Variants in ZNF404 observed in about 807,000 individuals in gnomAD.
The protein encoded by ZNF404 is zinc finger protein 404.
Under a neutral mutation model 7.3 loss-of-function variants are expected in ZNF404, and 7 were observed. That is an observed-to-expected ratio of 0.95 (90% CI 0.54 to 1.79). The LOEUF (loss-of-function observed/expected upper bound fraction) is 1.79. Among genes scored for constraint, ZNF404 ranks in the 40% most tolerant of loss-of-function variants. ZNF404 has a pLI of 0.00. For synonymous variants in ZNF404, 191 were observed against 209.9 expected, an observed-to-expected ratio of 0.91 and a Z score of 0.78; for missense variants, 560 against 661.5, an observed-to-expected ratio of 0.85 and a Z score of 1.68.
chr19:43,873,681 C>T lies in ZNF404; in HGVS notation c.533G>A (p.Arg178Gln), dbSNP rs775530830. The change falls in exon 3 of 3, where the codon CGA becomes CAA. Residue 178 changes from arginine (R) to glutamine (Q), a missense_variant. Arg to Gln is a conservative substitution (Grantham distance 43). Coordinates refer to ENST00000587539, the MANE Select transcript of ZNF404 (RefSeq NM_001033719.3). The stretch of plus-strand genomic sequence containing the variant: ...GGGTTTCAAATCAGTGTGGATTTTT[C>T]GATGTCTAATAAAATGCTGGAAAAC... The part of the protein sequence containing the change: ...FVVFQHFIRH[R>Q]KIHTDLKPYE... 63 of 1,612,996 alleles carry T rather than the reference C, an allele frequency of 3.9e-5. No individual in the cohort carries two copies. Among genetic ancestry groups the T allele is most frequent in the East Asian group, 1.3e-4 (6 of 44,874 alleles).
At chr19:43,879,905 A>T in intron 2 of ZNF404, 105 bp downstream of exon 2, 1 of 1,417,070 alleles carries the variant, frequency 7.1e-7, no homozygotes, top group South Asian at 1.2e-5. Context: ...GAGAATATGG[A>T]GCAGAAATGT....
chr19:43,879,303 C>T (rs1255496767), intron 2 of ZNF404, among the ~76,000 whole-genome samples: 1 of 151,948 alleles, frequency 6.6e-6, no homozygotes, highest in Non-Finnish European at 1.5e-5. Context: ...GAATACAGGT[C>T]AACAGGAAAC....
At chr19:43,879,685 T>C (rs1971879860) in intron 2 of ZNF404, among the ~76,000 whole-genome samples, 1 of 152,208 alleles carries the variant, frequency 6.6e-6, no homozygotes, top group South Asian at 2.1e-4. Context: ...TGAACACACA[T>C]ATAATTTAAA....
intron 1 of ZNF404, among the ~76,000 whole-genome samples, chr19:43,880,531 C>G (rs1052187658): frequency 5.9e-5 from 9 of 152,182 alleles, no homozygotes; most frequent in African/African-American, 2.2e-4. Context: ...TAACTACCCC[C>G]TCCCCCAATT....
intron 2 of ZNF404, among the ~76,000 whole-genome samples, chr19:43,878,786 A>G (rs1379687892): frequency 6.6e-6 from 1 of 152,234 alleles, no homozygotes; most frequent in Non-Finnish European, 1.5e-5. Flanking sequence ...AGGAGTTAAA[A>G]GAACAGCGTT....
intron 2 of ZNF404, among the ~76,000 whole-genome samples, chr19:43,876,833 G>C (rs1296835734): frequency 2.6e-5 from 4 of 152,142 alleles, no homozygotes; most frequent in Admixed American, 2.6e-4. Context: ...GATAATCCCA[G>C]TTTAATCATA....
chr19:43,881,832 CTG>C (rs1181361309), intron 1 of ZNF404: 2 of 152,228 alleles, frequency 1.3e-5, no homozygotes, highest in Non-Finnish European at 2.9e-5. Context: ...TAGCGCATGC[CTG>C]TAATCCCAGC....
chr19:43,880,820 T>C (rs1422312615), intron 1 of ZNF404, among the ~76,000 whole-genome samples: 2 of 152,012 alleles, frequency 1.3e-5, no homozygotes, highest in Non-Finnish European at 2.9e-5. Context: ...CAAACCAATA[T>C]CCATCATGGA....
At chr19:43,882,251 G>A (rs1435643775) in intron 1 of ZNF404, among the ~76,000 whole-genome samples, 1 of 152,166 alleles carries the variant, frequency 6.6e-6, no homozygotes, top group African/African-American at 2.4e-5. Context: ...CAATTCAGTG[G>A]ATAAAGGACC....
chr19:43,877,227 TAAC>T, intron 2 of ZNF404, among the ~76,000 whole-genome samples: 1 of 152,002 alleles, frequency 6.6e-6, no homozygotes, highest in Non-Finnish European at 1.5e-5. Flanking sequence ...AGTAAAACAA[TAAC>T]AACAAATAGA....
At chr19:43,883,927 T>G in intron 1 of ZNF404, 29 bp downstream of exon 1, 1 of 1,597,524 alleles carries the variant, frequency 6.3e-7, no homozygotes, top group African/African-American at 1.3e-5. Context: ...TCACAATAAG[T>G]CAGAAAAGCA....
At chr19:43,881,707 A>T (rs1251524617) in intron 1 of ZNF404, 1 of 152,334 alleles carries the variant, frequency 6.6e-6, no homozygotes, top group East Asian at 1.9e-4. Flanking sequence ...CTGTAATCCC[A>T]GCACTTTCGG....
chr19:43,875,208 T>C lies in ZNF404; in HGVS notation c.137-1131A>G, dbSNP rs1421190609. ...GCCTCTACCACTGGTGTTCATTCTT[T>C]CCTTTGCATAGCCATGCTTTTCTGT... On this transcript the variant is annotated intron_variant, in intron 2 of 2. Coordinates refer to ENST00000587539, the MANE Select transcript of ZNF404 (RefSeq NM_001033719.3). Among the ~76,000 whole-genome samples the C allele has an allele frequency of 2.0e-5, 3 of 152,220 alleles. No homozygotes were observed. The South Asian group carries it at 6.2e-4, about 31-fold the overall frequency.
Position 43,873,440 on chromosome 19 carries a change from C to T in ZNF404, c.774G>A (p.Met258Ile), listed in dbSNP as rs1568435984. Residue 258 changes from methionine to isoleucine, a missense_variant, in exon 3 of 3, where the codon ATG (methionine) becomes ATA (isoleucine). By Grantham distance (10) the Met-to-Ile change is conservative. Transcript: ENST00000587539. The part of the protein sequence containing the change: ...CGETFRLYRH[M>I]CLHQKIHHGV... Reference sequence around the variant, plus strand: ...CATGATGAATTTTCTGATGCAGACACATATGTCGATATAATCTAAACGTTT... The same window carrying T: ...CATGATGAATTTTCTGATGCAGACATATATGTCGATATAATCTAAACGTTT... The T allele has an allele frequency of 1.2e-6, 2 of 1,613,538 alleles. No homozygotes were observed. The highest frequency in any genetic ancestry group is 1.7e-5 in the Admixed American group (1 of 59,884).
At chr19:43,875,308 C>T (rs1459630510) in intron 2 of ZNF404, among the ~76,000 whole-genome samples, 1 of 151,586 alleles carries the variant, frequency 6.6e-6, no homozygotes, top group African/African-American at 2.4e-5. Context: ...TTTTTTAAAT[C>T]TACAAATAAT....
rs372380430 is a variant in ZNF404 at position 43,872,698 on chromosome 19, G to A, written c.1516C>T (p.Arg506Cys). The A allele has an allele frequency of 2.0e-5, 32 of 1,613,208 alleles. No homozygotes were observed. Among genetic ancestry groups the A allele is most frequent in the Non-Finnish European group, 2.4e-5 (28 of 1,179,630 alleles). The change falls in exon 3 of 3, where the codon CGC becomes TGC. Residue 506 changes from arginine to cysteine, a missense_variant. By Grantham distance (180) the Arg-to-Cys change is radical (BLOSUM62 -3). Transcript: ENST00000587539. This position sits in a 1 kb window ranked among gnomAD's most constrained non-coding sequence, Gnocchi z 4.4. ...TCATGTTGAGTAAGTCGATCACTGC[G>A]ATTAAAGGCCTTATCACATTCTTTA... ...ECKECDKAFN[R>C]SDRLTQHETI... is the part of the protein sequence containing the mutation.
rs754824827 is a variant in ZNF404 at position 43,872,793 on chromosome 19, T to C, written c.1421A>G (p.Lys474Arg). The C allele has an allele frequency of 3.1e-6, 5 of 1,610,680 alleles. No homozygotes were observed. The highest frequency in any genetic ancestry group is 4.2e-6 in the Non-Finnish European group (5 of 1,178,082). ...LKPYVCKECK[K>R]AFRSISGLSQ... Reference sequence around the variant, plus strand: ...AAGACCTGAGATAGAACGAAAGGCCTTCTTACATTCTTTACATACATAGGG... The same window carrying C: ...AAGACCTGAGATAGAACGAAAGGCCCTCTTACATTCTTTACATACATAGGG... Residue 474 changes from lysine to arginine, a missense_variant, in exon 3 of 3, where the codon AAG (lysine) becomes AGG (arginine). By Grantham distance (26) the Lys-to-Arg change is conservative. Coordinates refer to ENST00000587539, the MANE Select transcript of ZNF404 (RefSeq NM_001033719.3). This position sits in a 1 kb window ranked among gnomAD's most constrained non-coding sequence, Gnocchi z 4.4.
chr19:43,873,064 C>G lies in ZNF404; in HGVS notation c.1150G>C (p.Glu384Gln). The change falls in exon 3 of 3, where the codon GAA (glutamate) becomes CAA (glutamine). Residue 384 changes from glutamate to glutamine, a missense_variant. Transcript: ENST00000587539. Reference sequence around the variant, plus strand: ...AAAGTCTTCCCACATTCTTTACATTCATGTGGCTTCTCACCAGTATGAATT... The same window carrying G: ...AAAGTCTTCCCACATTCTTTACATTGATGTGGCTTCTCACCAGTATGAATT... The part of the protein sequence containing the change: ...QRIHTGEKPH[E>Q]CKECGKTFKL... The G allele has an allele frequency of 6.2e-7, 1 of 1,611,906 alleles. No individual in the cohort carries two copies. The highest frequency in any genetic ancestry group is 8.5e-7 in the Non-Finnish European group (1 of 1,178,754).
chr19:43,882,572 T>C (rs987091886), intron 1 of ZNF404, among the ~76,000 whole-genome samples: 1 of 152,122 alleles, frequency 6.6e-6, no homozygotes, highest in Non-Finnish European at 1.5e-5. Context: ...GGTGGGAATG[T>C]AAAATGGTAT....
Sources: allele counts gnomAD v4.1 joint callset (sites outside exome capture counted in the v4.1 genomes callset), GRCh38; gene constraint gnomAD v4.1.1; non-coding constraint Gnocchi (gnomAD v3.1); transcripts MANE v1.5; gene names NCBI Gene and HGNC (gene_info 2026-07-23, HGNC 2026-07-21).